Variants in PTCHD4 observed in about 807,000 individuals in gnomAD.
PTCHD4 encodes the protein patched domain-containing protein 4.
A neutral mutation model predicts 58.1 loss-of-function variants in PTCHD4; 33 were observed. The ratio of observed to expected loss-of-function variants is 0.57; its 90% CI spans 0.43 to 0.76. The LOEUF is 0.76. Among genes scored for constraint, PTCHD4 ranks in the 30% least tolerant of loss-of-function variants. The pLI, the probability that PTCHD4 is intolerant of heterozygous loss-of-function variation, is 0.00. For synonymous variants in PTCHD4, 478 were observed against 409.6 expected (o/e 1.17, Z -2.02); for missense variants, 1,058 against 1,027.1 (o/e 1.03, Z -0.41).
chr6:48,015,067 C>T (rs1762820912), intron 3 of PTCHD4, among the ~76,000 whole-genome samples: 1 of 150,564 alleles, frequency 6.6e-6, no homozygotes, highest in Non-Finnish European at 1.5e-5. Context: ...AAACCTCCTA[C>T]AAAAGTTCTG....
At chr6:48,085,971 C>G (rs1028746522) in intron 1 of PTCHD4, among the ~76,000 whole-genome samples, 1 of 151,932 alleles carries the variant, frequency 6.6e-6, no homozygotes, top group African/African-American at 2.4e-5. Flanking sequence ...TACTATAAGA[C>G]TGCAACGTTC....
At chr6:48,057,225 T>C (rs1436206789) in intron 3 of PTCHD4, among the ~76,000 whole-genome samples, 2 of 151,796 alleles carry the variant, frequency 1.3e-5, no homozygotes, top group Non-Finnish European at 2.9e-5. Flanking sequence ...CCCAAAGCTG[T>C]TGCTTGTGCC....
intron 4 of PTCHD4, among the ~76,000 whole-genome samples, chr6:47,908,484 A>G (rs1039935881): frequency 2.6e-5 from 4 of 152,296 alleles, no homozygotes; most frequent in African/African-American, 9.6e-5. Flanking sequence ...GGCTTCTGCA[A>G]TGAATGGACT....
chr6:48,101,559 T>G (rs1005406208), intron 1 of PTCHD4, among the ~76,000 whole-genome samples: 1 of 152,216 alleles, frequency 6.6e-6, no homozygotes, highest in Non-Finnish European at 1.5e-5. Context: ...TCTCATTGTC[T>G]TTTACAGTTG....
At chr6:47,895,713 T>C (rs1187191386) in intron 4 of PTCHD4, among the ~76,000 whole-genome samples, 2 of 152,058 alleles carry the variant, frequency 1.3e-5, no homozygotes, top group South Asian at 2.1e-4. Context: ...GGAAAGTTCT[T>C]CCATATTTAG....
chr6:47,898,105 C>A (rs1043689121), intron 4 of PTCHD4, among the ~76,000 whole-genome samples: 13 of 151,324 alleles, frequency 8.6e-5, no homozygotes, highest in African/African-American at 3.2e-4. Flanking sequence ...CCACCACACC[C>A]GGCTAATTTT....
chr6:48,073,518 C>T (rs1562040239), intron 1 of PTCHD4, among the ~76,000 whole-genome samples: 1 of 152,230 alleles, frequency 6.6e-6, no homozygotes, highest in Non-Finnish European at 1.5e-5. Flanking sequence ...ACTACCAATT[C>T]TAACCATTCT....
chr6:48,098,085 A>C (rs1445219753), intron 1 of PTCHD4, among the ~76,000 whole-genome samples: 1 of 152,116 alleles, frequency 6.6e-6, no homozygotes, highest in Non-Finnish European at 1.5e-5. Flanking sequence ...TGCCAGCCAC[A>C]ATCACCCAAA....
In PTCHD4 at chr6:48,006,555, T is replaced by A. The variant is rs554649005; in HGVS notation, c.898+2079A>T. 9.2e-5 allele frequency among the ~76,000 whole-genome samples: 14 copies of A among 152,312 alleles called. 1 individual carries two copies. The East Asian group carries it at 2.5e-3, about 27-fold the overall frequency. The stretch of plus-strand genomic sequence containing the variant: ...TATGGTTCTTATAAATCTTATTATT[T>A]CAAGCGATGAGACTTCATTCAAAAA... On this transcript the variant is annotated intron_variant, in intron 4 of 4. Transcript: ENST00000339488.
intron 3 of PTCHD4, among the ~76,000 whole-genome samples, chr6:48,066,975 T>C (rs1764821090): frequency 2.0e-5 from 3 of 152,086 alleles, no homozygotes; most frequent in Admixed American, 2.0e-4. Flanking sequence ...CTATATTAGG[T>C]CATTCATTTA....
intron 1 of PTCHD4, among the ~76,000 whole-genome samples, chr6:48,098,029 A>T (rs1765510226): frequency 6.6e-6 from 1 of 152,162 alleles, no homozygotes; most frequent in South Asian, 2.1e-4. Context: ...CCTACCTGTC[A>T]GGTCTCACGG....
chr6:47,900,434 A>G (rs556226079), intron 4 of PTCHD4: 65 of 152,296 alleles, frequency 4.3e-4, no homozygotes, highest in Non-Finnish European at 6.9e-4. Context: ...ATAAATGTCT[A>G]TTCGAATCTT....
rs934334832 is a variant in PTCHD4, at chr6:47,873,024, G to A, written c.*5279C>T. Reference sequence around the variant, plus strand: ...GAGAGCCACTCTGGGAATGAATGATGCTTATGTCGGTGCTTACTTTAAGCT... The same window carrying A: ...GAGAGCCACTCTGGGAATGAATGATACTTATGTCGGTGCTTACTTTAAGCT... On this transcript the variant is annotated 3_prime_UTR_variant, in exon 5 of 5. Coordinates refer to ENST00000339488, the MANE Select transcript of PTCHD4 (RefSeq NM_001384253.1). Among the ~76,000 whole-genome samples the A allele has an allele frequency of 1.3e-5, 2 of 151,670 alleles. No individual in the cohort carries two copies. The highest frequency in any genetic ancestry group is 4.8e-5 in the African/African-American group (2 of 41,382).
intron 1 of PTCHD4, among the ~76,000 whole-genome samples, chr6:48,104,202 A>G (rs999644674): frequency 7.9e-5 from 12 of 152,214 alleles, no homozygotes; most frequent in Non-Finnish European, 1.6e-4. Context: ...AGCCAGAGAG[A>G]AAGGTCGGGT....
At chr6:48,035,247 A>T (rs368409009) in intron 3 of PTCHD4, among the ~76,000 whole-genome samples, 3 of 152,028 alleles carry the variant, frequency 2.0e-5, no homozygotes, top group Admixed American at 2.0e-4. Flanking sequence ...AACAGCTCAG[A>T]CTCTATTATT....
intron 1 of PTCHD4, among the ~76,000 whole-genome samples, chr6:48,104,503 A>AATTG (rs900034623): frequency 4.6e-5 from 7 of 152,228 alleles, no homozygotes; most frequent in African/African-American, 1.7e-4. Flanking sequence ...AAACATGCCA[A>AATTG]ATTGTAAAGA....
intron 1 of PTCHD4, among the ~76,000 whole-genome samples, chr6:48,102,264 A>G (rs531996013): frequency 8.5e-5 from 13 of 152,310 alleles, no homozygotes; most frequent in African/African-American, 2.9e-4. Context: ...TTTTTACCAA[A>G]TGAAACTCCT....
At chr6:47,974,844 A>G (rs1346667076) in intron 4 of PTCHD4, among the ~76,000 whole-genome samples, 1 of 152,250 alleles carries the variant, frequency 6.6e-6, no homozygotes, top group African/African-American at 2.4e-5. Flanking sequence ...CAAAAATATC[A>G]GCCAGAAACC....
At chr6:47,919,972 A>G (rs1418921119) in intron 4 of PTCHD4, among the ~76,000 whole-genome samples, 1 of 152,034 alleles carries the variant, frequency 6.6e-6, no homozygotes, top group African/African-American at 2.4e-5. Context: ...TCCTCATGTG[A>G]TTGTGCTGCA....
Sources: gnomAD v4.1 joint callset for allele counts (sites outside exome capture counted in the v4.1 genomes callset) on GRCh38, gnomAD v4.1.1 for gene constraint, MANE v1.5 for transcripts, NCBI Gene and HGNC (gene_info 2026-07-23, HGNC 2026-07-21) for gene names.